Variants in CACNA2D2 observed in about 807,000 individuals in gnomAD.
CACNA2D2 encodes the protein voltage-dependent calcium channel subunit alpha-2/delta-2.
Under a neutral mutation model 166.4 loss-of-function variants are expected in CACNA2D2, and 48 were observed. That is an observed-to-expected ratio of 0.29 (90% confidence interval 0.23 to 0.37). The LOEUF is 0.37. Ranked by LOEUF, CACNA2D2 falls within the 10% of genes least tolerant of loss-of-function variation. The probability of loss-of-function intolerance (pLI) is 1.00; values close to 1 mark genes in which losing one functional copy is unlikely to be tolerated. For synonymous variants in CACNA2D2, 561 were observed against 573.7 expected (o/e 0.98, Z 0.32); for missense variants, 1,122 against 1,433.0 (o/e 0.78, Z 3.50).
chr3:50,456,235 G>C (rs1709353111), intron 2 of CACNA2D2, among the ~76,000 whole-genome samples: 4 of 152,184 alleles, frequency 2.6e-5, no homozygotes, highest in Admixed American at 2.6e-4. Flanking sequence ...AAGGAGGTAG[G>C]TAGCTTTTAA....
chr3:50,379,597 G>C lies in CACNA2D2; in HGVS notation c.994-7C>G. On this transcript the variant is annotated splice_polypyrimidine_tract_variant and splice_region_variant and intron_variant, in intron 10 of 37. Coordinates refer to ENST00000424201, the MANE Select transcript of CACNA2D2 (RefSeq NM_006030.4). This position sits in a 1 kb window ranked among gnomAD's most constrained non-coding sequence, Gnocchi z 6.5. ...GCTGTGCCTTCTCGTTGAACTGCAG[G>C]AACAGTAGGGTGGTGAGTGGCCTCA... is the stretch of plus-strand genomic sequence containing the variant. The C allele has an allele frequency of 6.2e-7, 1 of 1,613,802 alleles. No homozygotes were observed. Among genetic ancestry groups the C allele is most frequent in the Non-Finnish European group, 8.5e-7 (1 of 1,179,980 alleles).
chr3:50,467,724 A>G (rs1034284450), intron 2 of CACNA2D2, among the ~76,000 whole-genome samples: 2 of 152,038 alleles, frequency 1.3e-5, no homozygotes, highest in African/African-American at 2.4e-5. Flanking sequence ...CTAGGAGCCA[A>G]CCCTTGCCTC....
At chr3:50,382,850 C>T (rs139145737) in intron 6 of CACNA2D2, among the ~76,000 whole-genome samples, 1,738 of 152,252 alleles carry the variant, frequency 0.011, 37 homozygotes, top group Non-Finnish European at 0.013. Flanking sequence ...CCCTGCTCTG[C>T]GTGGGCTGTC....
Position 50,427,743 on chromosome 3 carries a change from C to T in CACNA2D2, c.405+6570G>A, listed in dbSNP as rs990659885. Among the ~76,000 whole-genome samples the T allele has an allele frequency of 6.6e-6, 1 of 152,234 alleles. No individual in the cohort carries two copies. Among genetic ancestry groups the T allele is most frequent in the Non-Finnish European group, 1.5e-5 (1 of 68,038 alleles). On this transcript the variant is annotated intron_variant, in intron 3 of 37. Transcript: ENST00000424201. The surrounding 1 kb of genome is among the most constrained non-coding windows in gnomAD (Gnocchi z 4.7). The stretch of plus-strand genomic sequence containing the variant: ...CAGAGGCTGAGCCCCAGCCACAACC[C>T]AGAGCCACAGCGCTGGCAACTGTTC...
In CACNA2D2 at chr3:50,494,972, G is replaced by A. The variant is rs1005231574; in HGVS notation, c.206+8246C>T. 3.9e-5 allele frequency among the ~76,000 whole-genome samples: 6 copies of A among 152,170 alleles called. No individual in the cohort carries two copies. The South Asian group carries it at 1.0e-3, about 26-fold the overall frequency. Reference sequence around the variant, plus strand: ...AGTACAGGCGTCAGCCACTGCACCCGGCTGGATATTTTTATTTAAGAGAAA... The same window carrying A: ...AGTACAGGCGTCAGCCACTGCACCCAGCTGGATATTTTTATTTAAGAGAAA... On this transcript the variant is annotated intron_variant, in intron 1 of 37. Transcript: ENST00000424201.
intron 2 of CACNA2D2, among the ~76,000 whole-genome samples, chr3:50,437,019 T>C (rs1412856935): frequency 6.6e-6 from 1 of 152,186 alleles, no homozygotes; most frequent in Non-Finnish European, 1.5e-5. Flanking sequence ...CCAAGCACCA[T>C]GTCTGTGTGC....
At chr3:50,369,975 C>T (rs1704567539) in intron 23 of CACNA2D2, among the ~76,000 whole-genome samples, 1 of 152,244 alleles carries the variant, frequency 6.6e-6, no homozygotes. Context: ...CAAACCAGAG[C>T]AGCAGCTGCC....
At chr3:50,471,342 A>G (rs1246176460) in intron 2 of CACNA2D2, among the ~76,000 whole-genome samples, 3 of 152,058 alleles carry the variant, frequency 2.0e-5, no homozygotes, top group East Asian at 3.9e-4. Context: ...CTGTGGGCAC[A>G]TGTTAACCAC....
intron 2 of CACNA2D2, among the ~76,000 whole-genome samples, chr3:50,435,926 A>G (rs1257493326): frequency 6.6e-6 from 1 of 152,228 alleles, no homozygotes; most frequent in Non-Finnish European, 1.5e-5. Context: ...GTGCCAGGCC[A>G]GGATGTTCCC....
intron 17 of CACNA2D2, 21 bp downstream of exon 17, chr3:50,377,446 G>A (rs1483948623): frequency 1.9e-6 from 3 of 1,604,768 alleles, no homozygotes; most frequent in African/African-American, 2.7e-5. Context: ...AGGGTACGCG[G>A]ATGGGCAGGG....
At chr3:50,372,730 A>T (rs1370417091) in intron 22 of CACNA2D2, among the ~76,000 whole-genome samples, 1 of 152,152 alleles carries the variant, frequency 6.6e-6, no homozygotes, top group East Asian at 1.9e-4. Context: ...AGAAGCGTCC[A>T]GACTGTCCCT....
chr3:50,435,452 G>A (rs1316555712), intron 2 of CACNA2D2, among the ~76,000 whole-genome samples: 10 of 151,926 alleles, frequency 6.6e-5, no homozygotes, highest in African/African-American at 2.4e-4. Flanking sequence ...CACAGAATAG[G>A]CTGCCACGAC....
At chr3:50,387,884 T>C (rs1240292633) in intron 4 of CACNA2D2, among the ~76,000 whole-genome samples, 3 of 152,160 alleles carry the variant, frequency 2.0e-5, no homozygotes, top group Non-Finnish European at 4.4e-5. Flanking sequence ...GGGCCAAGTG[T>C]CCTGGGCTGC....
rs1403602350 is a variant in CACNA2D2 at position 50,427,640 on chromosome 3, C to A, written c.405+6673G>T. Among the ~76,000 whole-genome samples the A allele has an allele frequency of 6.6e-6, 1 of 152,222 alleles. No individual in the cohort carries two copies. The highest frequency in any genetic ancestry group is 1.5e-5 in the Non-Finnish European group (1 of 68,036). On this transcript the variant is annotated intron_variant, in intron 3 of 37. Transcript: ENST00000424201. The surrounding 1 kb of genome is among the most constrained non-coding windows in gnomAD (Gnocchi z 4.7). Reference sequence around the variant, plus strand: ...CCCAGAGAAGGGTGGGAGGAGGCAGCCAATGCCACAGGATTTCCTGCCTGT... The same window carrying A: ...CCCAGAGAAGGGTGGGAGGAGGCAGACAATGCCACAGGATTTCCTGCCTGT...
chr3:50,365,289 C>T lies in CACNA2D2; in HGVS notation c.3098+67G>A. 1 of 1,592,352 alleles carries T rather than the reference C, an allele frequency of 6.3e-7. No individual in the cohort carries two copies. Among genetic ancestry groups the T allele is most frequent in the Non-Finnish European group, 8.5e-7 (1 of 1,169,978 alleles). On this transcript the variant is annotated intron_variant, in intron 35 of 37. Transcript: ENST00000424201. This position sits in a 1 kb window ranked among gnomAD's most constrained non-coding sequence, Gnocchi z 4.5. ...GCTCGGAGGCCCCGCCCCTTCCATC[C>T]TCCCGAGCGTCTCGCCCCGCTCACA...
At position 50,367,635 on chromosome 3, in the gene CACNA2D2, CACTT is replaced by C. The variant is rs763922527; in HGVS notation, c.2297+3_2297+6del. On this transcript the variant is annotated splice_donor_5th_base_variant and intron_variant, in intron 26 of 37. Transcript: ENST00000424201. This position sits in a 1 kb window ranked among gnomAD's most constrained non-coding sequence, Gnocchi z 6.5. ...GCAGGGTTTGGGTAGTGGGATAGGT[CACTT>C]ACTTGTTGGGGAAGACTCGGGTGAT... The C allele has an allele frequency of 1.9e-6, 3 of 1,611,204 alleles. No homozygotes were observed. Among genetic ancestry groups the C allele is most frequent in the Non-Finnish European group, 1.7e-6 (2 of 1,178,036 alleles).
chr3:50,375,603 C>T lies in CACNA2D2; in HGVS notation c.1907+41G>A. ...GACAGCTGGGCTCAGATTCTGGGGC[C>T]ACCCCACCCTCTCTGCCCGCCCAGC... On this transcript the variant is annotated intron_variant, in intron 21 of 37. Transcript: ENST00000424201. The surrounding 1 kb of genome is among the most constrained non-coding windows in gnomAD (Gnocchi z 4.0). 1 of 1,601,038 alleles carries T rather than the reference C, an allele frequency of 6.2e-7. No homozygotes were observed. Among genetic ancestry groups the T allele is most frequent in the Middle Eastern group, 2.1e-4 (1 of 4,868 alleles).
intron 1 of CACNA2D2, among the ~76,000 whole-genome samples, chr3:50,501,825 CAAT>C (rs1698976417): frequency 6.6e-6 from 1 of 152,088 alleles, no homozygotes; most frequent in Non-Finnish European, 1.5e-5. Context: ...AAATGAAAGA[CAAT>C]AACGCATCCA....
At chr3:50,425,776 G>A (rs1707779157) in intron 3 of CACNA2D2, among the ~76,000 whole-genome samples, 1 of 152,246 alleles carries the variant, frequency 6.6e-6, no homozygotes, top group South Asian at 2.1e-4. Flanking sequence ...CTGGGGAGTG[G>A]AGACACATAC....
Sources: allele counts gnomAD v4.1 joint callset (sites outside exome capture counted in the v4.1 genomes callset), GRCh38; gene constraint gnomAD v4.1.1; non-coding constraint Gnocchi (gnomAD v3.1); transcripts MANE v1.5; gene names NCBI Gene and HGNC (gene_info 2026-07-23, HGNC 2026-07-21).